Variants in TENM2 observed in about 807,000 individuals in gnomAD.
The protein encoded by TENM2 is teneurin-2.
Under a neutral mutation model 245.2 loss-of-function variants are expected in TENM2, and 52 were observed. The ratio of observed to expected loss-of-function variants is 0.21; its 90% CI spans 0.17 to 0.27. The LOEUF (loss-of-function observed/expected upper bound fraction) is 0.27, where lower values mean the gene tolerates loss of function less well. TENM2 is among the 10% of genes least tolerant of loss of function. The pLI, the probability that TENM2 is intolerant of heterozygous loss-of-function variation, is 1.00. For synonymous variants in TENM2, 1,363 were observed against 1,438.9 expected (o/e 0.95, Z 1.19); for missense variants, 3,046 against 3,666.8 (o/e 0.83, Z 4.37).
chr5:167,793,377 A>G (rs1430368037), intron 2 of TENM2, among the ~76,000 whole-genome samples: 1 of 152,206 alleles, frequency 6.6e-6, no homozygotes, highest in Non-Finnish European at 1.5e-5. Flanking sequence ...CAATTATTAT[A>G]TAGCCATACC....
chr5:167,302,361 GA>G (rs1755385461), intron 1 of TENM2, among the ~76,000 whole-genome samples: 1 of 151,996 alleles, frequency 6.6e-6, no homozygotes, highest in Non-Finnish European at 1.5e-5. Context: ...AGGAGGAATG[GA>G]GGGTGGAAGG....
At chr5:167,435,974 TC>T (rs67621720) in intron 2 of TENM2, among the ~76,000 whole-genome samples, 2,130 of 103,628 alleles carry the variant, frequency 0.021, 42 homozygotes, top group Non-Finnish European at 0.027. Flanking sequence ...TCTTTTTTTT[TC>T]TTTTTTTTTT....
Position 167,792,985 on chromosome 5 carries a change from T to C in TENM2, c.503-83001T>C, listed in dbSNP as rs546557960. Among the ~76,000 whole-genome samples, 5 of 152,288 alleles carry C rather than the reference T, an allele frequency of 3.3e-5. No homozygotes were observed. In the South Asian group the frequency reaches 1.0e-3, roughly 32 times the overall value. On this transcript the variant is annotated intron_variant, in intron 2 of 28. Transcript: ENST00000518659. ...ACGAAGTATGCCAGGGAAGGAAATC[T>C]TTTCTTTTTGTACAAACACTTCCTG... is the stretch of plus-strand genomic sequence containing the variant.
the TENM2 span, among the ~76,000 whole-genome samples, chr5:167,132,078 C>T: frequency 6.6e-6 from 1 of 152,176 alleles, no homozygotes; most frequent in Non-Finnish European, 1.5e-5. Flanking sequence ...GCCTCAGCCT[C>T]CCAAAGTGCT....
chr5:167,733,018 C>G (rs1446177962), intron 2 of TENM2, among the ~76,000 whole-genome samples: 1 of 152,112 alleles, frequency 6.6e-6, no homozygotes. Context: ...ATTTTCCTAT[C>G]AGGAAATATT....
chr5:167,572,405 G>A (rs890183715), intron 2 of TENM2, among the ~76,000 whole-genome samples: 1 of 152,072 alleles, frequency 6.6e-6, no homozygotes, highest in Non-Finnish European at 1.5e-5. Context: ...TATTTTTTAT[G>A]TTTCTAAAAT....
intron 1 of TENM2, among the ~76,000 whole-genome samples, chr5:167,357,247 C>A (rs1029638942): frequency 6.6e-6 from 1 of 151,692 alleles, no homozygotes; most frequent in Non-Finnish European, 1.5e-5. Context: ...CCACATGGAG[C>A]ACAGAGCCCT....
chr5:168,234,453 C>T (rs1318897192), intron 25 of TENM2, among the ~76,000 whole-genome samples: 3 of 151,862 alleles, frequency 2.0e-5, no homozygotes, highest in East Asian at 1.9e-4. Context: ...AAAAGAGGTG[C>T]CGTACCCAAA....
rs1792952214 is a variant in TENM2 at position 168,091,662 on chromosome 5, C to A, written c.1711+893C>A. 2.6e-5 allele frequency among the ~76,000 whole-genome samples: 4 copies of A among 152,286 alleles called. No individual in the cohort carries two copies. The South Asian group carries it at 8.3e-4, about 32-fold the overall frequency. On this transcript the variant is annotated intron_variant, in intron 8 of 28. Transcript: ENST00000518659. Reference sequence around the variant, plus strand: ...GAAGAATAAATTGAGATTCAGAAAGCTGAATCTCTCGAAGACCCAGGTTGT... The same window carrying A: ...GAAGAATAAATTGAGATTCAGAAAGATGAATCTCTCGAAGACCCAGGTTGT...
chr5:167,445,738 A>G (rs1291428335), intron 2 of TENM2, among the ~76,000 whole-genome samples: 4 of 152,100 alleles, frequency 2.6e-5, no homozygotes, highest in Non-Finnish European at 5.9e-5. Context: ...CCCCTCTGCC[A>G]TTGCTTGTCT....
At chr5:167,003,333 T>C in the TENM2 span, among the ~76,000 whole-genome samples, 1 of 152,140 alleles carries the variant, frequency 6.6e-6, no homozygotes, top group Admixed American at 6.5e-5. Flanking sequence ...TCCCTACAAA[T>C]AAAAACCTCT....
chr5:168,194,085 A>C (rs1253576609), intron 14 of TENM2, among the ~76,000 whole-genome samples: 4 of 152,210 alleles, frequency 2.6e-5, no homozygotes, highest in Non-Finnish European at 5.9e-5. Context: ...AAGTGCATCC[A>C]AAAATCGAGC....
intron 17 of TENM2, among the ~76,000 whole-genome samples, chr5:168,200,769 G>C (rs1313450625): frequency 1.3e-5 from 2 of 152,152 alleles, no homozygotes; most frequent in African/African-American, 4.8e-5. Context: ...CTTCGTAACA[G>C]AAGTGTCCTA....
rs750896162 is a variant in TENM2, at chr5:168,062,273, C to T, written c.1515+8C>T. The T allele has an allele frequency of 6.2e-7, 1 of 1,610,130 alleles. No homozygotes were observed. The highest frequency in any genetic ancestry group is 1.7e-5 in the Admixed American group (1 of 59,894). On this transcript the variant is annotated splice_region_variant and intron_variant, in intron 7 of 28. Transcript: ENST00000518659. Reference sequence around the variant, plus strand: ...CCACCATCTCATGCCCAGGTATGACCATGTTTGATGTAATCAAGCATTTAA... The same window carrying T: ...CCACCATCTCATGCCCAGGTATGACTATGTTTGATGTAATCAAGCATTTAA...
At chr5:167,793,766 G>C (rs748212550) in intron 2 of TENM2, among the ~76,000 whole-genome samples, 4 of 151,598 alleles carry the variant, frequency 2.6e-5, no homozygotes, top group Admixed American at 6.6e-5. Context: ...ATCCCAAGAG[G>C]TCAAGGCTGC....
chr5:167,517,424 G>A (rs1394037863), intron 2 of TENM2, among the ~76,000 whole-genome samples: 1 of 152,142 alleles, frequency 6.6e-6, no homozygotes, highest in Non-Finnish European at 1.5e-5. Context: ...CTTCAAGGGA[G>A]GGATAGGGAG....
chr5:167,117,467 C>T, the TENM2 span, among the ~76,000 whole-genome samples: 44 of 152,070 alleles, frequency 2.9e-4, no homozygotes, highest in Non-Finnish European at 4.1e-4. Flanking sequence ...CGCACCCCTG[C>T]ACTCCAGCCT....
chr5:167,213,342 G>T, the TENM2 span, among the ~76,000 whole-genome samples: 1 of 152,134 alleles, frequency 6.6e-6, no homozygotes. Flanking sequence ...GTACAAGATG[G>T]GTGTCTGGTG....
At chr5:168,035,070 G>A (rs957116689) in intron 5 of TENM2, among the ~76,000 whole-genome samples, 1 of 152,072 alleles carries the variant, frequency 6.6e-6, no homozygotes, top group Non-Finnish European at 1.5e-5. Context: ...AGATTTTGAA[G>A]ACTTAGTGCA....
Sources: gnomAD v4.1 joint callset for allele counts (sites outside exome capture counted in the v4.1 genomes callset) on GRCh38, gnomAD v4.1.1 for gene constraint, MANE v1.5 for transcripts, NCBI Gene and HGNC (gene_info 2026-07-23, HGNC 2026-07-21) for gene names.